The following COL4A2 variants were observed in gnomAD, a reference collection of about 807,000 sequenced individuals.
COL4A2 encodes the protein collagen alpha-2(IV) chain.
A neutral mutation model predicts 200.2 loss-of-function variants in COL4A2; 99 were observed. That is an observed-to-expected ratio of 0.49 (90% CI 0.42 to 0.58). The LOEUF (loss-of-function observed/expected upper bound fraction) is 0.58, where lower values mean the gene tolerates loss of function less well. Among genes scored for constraint, COL4A2 ranks in the 20% least tolerant of loss-of-function variants. The pLI is 0.00. For missense variants in COL4A2, 1,950 were observed against 2,314.1 expected, an observed-to-expected ratio of 0.84 and a Z score of 3.23; for synonymous variants, 897 against 900.6, an observed-to-expected ratio of 1.00 and a Z score of 0.07.
chr13:110,439,021 T>A (rs1881024221), intron 15 of COL4A2, among the ~76,000 whole-genome samples: 2 of 152,218 alleles, frequency 1.3e-5, no homozygotes, highest in African/African-American at 2.4e-5. Context: ...AAATGTAGAA[T>A]ATCTCAAACA....
At chr13:110,338,437 G>A (rs921797649) in intron 3 of COL4A2, among the ~76,000 whole-genome samples, 1 of 150,516 alleles carries the variant, frequency 6.6e-6, no homozygotes, top group Non-Finnish European at 1.5e-5. Context: ...TTGTGTGTGG[G>A]GGGGGGTGGG....
chr13:110,465,714 C>T (rs978226763), intron 25 of COL4A2, 108 bp downstream of exon 25: 1 of 1,077,326 alleles, frequency 9.3e-7, no homozygotes, highest in Non-Finnish European at 1.3e-6. Flanking sequence ...GCTGTTTTGC[C>T]TCATCTGTTC....
At chr13:110,493,352 GCCCTC>G in intron 39 of COL4A2, 70 bp downstream of exon 39, 1 of 1,518,870 alleles carries the variant, frequency 6.6e-7, no homozygotes, top group Non-Finnish European at 9.1e-7. Flanking sequence ...TGCTGAGTCT[GCCCTC>G]CAGACTTCAG....
In COL4A2 at chr13:110,503,882, G is replaced by A. The variant is rs1883743332; in HGVS notation, c.4174G>A (p.Gly1392Arg). 6.2e-7 allele frequency: 1 copy of A among 1,613,766 alleles called. No individual in the cohort carries two copies. The highest frequency in any genetic ancestry group is 1.1e-5 in the South Asian group (1 of 91,070). The part of the protein sequence containing the change: ...PGTVGAPGIA[G>R]IPQKIAVQPG... ...GACTGTGGGAGCCCCCGGGATTGCA[G>A]GAATCCCCCAGAAGATTGCCGTCCA... Residue 1392 changes from glycine (G) to arginine (R), a missense_variant, in exon 44 of 48, where the codon GGA becomes AGA. Gly to Arg is a moderately radical substitution (Grantham distance 125, BLOSUM62 -2). Coordinates refer to ENST00000360467, the MANE Select transcript of COL4A2 (RefSeq NM_001846.4).
At chr13:110,414,202 C>G (rs1490208754) in intron 4 of COL4A2, among the ~76,000 whole-genome samples, 1 of 152,232 alleles carries the variant, frequency 6.6e-6, no homozygotes, top group Non-Finnish European at 1.5e-5. Flanking sequence ...ATATAAATTC[C>G]CTGTCCTTTT....
chr13:110,443,128 G>C (rs1436414103), intron 16 of COL4A2, among the ~76,000 whole-genome samples: 1 of 152,204 alleles, frequency 6.6e-6, no homozygotes, highest in East Asian at 1.9e-4. Context: ...CTCAGATTGA[G>C]TTCTTTTATG....
rs187904842 is a variant in COL4A2, at chr13:110,506,449, G to A, written c.4437G>A (p.Pro1479=). ...GCCGTCCAGGGAGCCCGGGCCTGCC[G>A]GGTATGCCAGGCCGCAGCGTCAGCA... ...APGRPGSPGL[P]GMPGRSVSIG... is the part of the protein sequence containing the mutation. The change falls in exon 46 of 48, where the codon CCG becomes CCA. Residue 1479 remains proline, a synonymous_variant. Coordinates refer to ENST00000360467, the MANE Select transcript of COL4A2 (RefSeq NM_001846.4). 1.9e-4 allele frequency: 308 copies of A among 1,612,446 alleles called. No homozygotes were observed. The highest frequency in any genetic ancestry group is 2.9e-4 in the East Asian group (13 of 44,832).
rs1566504802 is a variant in COL4A2, at chr13:110,385,418, GACT to G, written c.180+27867_180+27869del. Among the ~76,000 whole-genome samples, 838 of 98,986 alleles carry G rather than the reference GACT, an allele frequency of 8.5e-3. 28 individuals are homozygous for G. Among genetic ancestry groups the G allele is most frequent in the African/African-American group, 0.027 (756 of 28,078 alleles). The allele number at this position is 98,986 out of a possible 152,430, so 64.9% of individuals were successfully genotyped here. On this transcript the variant is annotated intron_variant, in intron 4 of 47. Transcript: ENST00000360467. Reference sequence around the variant, plus strand: ...AGTTGGAGGTTACAGTGTGTGGATAGACTGTGGTTACAGTGCCTGGATAGACCG... The same window carrying G: ...AGTTGGAGGTTACAGTGTGTGGATAGGTGGTTACAGTGCCTGGATAGACCG...
chr13:110,473,935 G>C (rs772378726), intron 29 of COL4A2, among the ~76,000 whole-genome samples: 1 of 147,898 alleles, frequency 6.8e-6, no homozygotes, highest in East Asian at 2.0e-4. Context: ...AACCATCCTG[G>C]GCTACATAGG....
chr13:110,476,866 C>T (rs1444857686), intron 29 of COL4A2, among the ~76,000 whole-genome samples: 6 of 152,216 alleles, frequency 3.9e-5, no homozygotes, highest in African/African-American at 4.8e-5. Context: ...AGAAATCACA[C>T]ATGTGCACAC....
At chr13:110,440,004 G>A (rs1280646357) in intron 16 of COL4A2, among the ~76,000 whole-genome samples, 171 bp downstream of exon 16, 2 of 152,160 alleles carry the variant, frequency 1.3e-5, no homozygotes, top group South Asian at 2.1e-4. Flanking sequence ...TACTTGAACC[G>A]GGTCATTACC....
At position 110,484,282 on chromosome 13, in the gene COL4A2, G is replaced by A. The variant is rs180829849; in HGVS notation, c.2903-623G>A. ...CCTCTAGCCTAGTACTGAATACACA[G>A]TAAATGCTTAGAGACTGAAGCTCAA... On this transcript the variant is annotated intron_variant, in intron 32 of 47. Coordinates refer to ENST00000360467, the MANE Select transcript of COL4A2 (RefSeq NM_001846.4). Among the ~76,000 whole-genome samples the A allele has an allele frequency of 7.9e-5, 12 of 152,284 alleles. 1 individual carries two copies. In the East Asian group the frequency reaches 2.1e-3, roughly 27 times the overall value.
intron 28 of COL4A2, 135 bp from the exon 29 acceptor site, chr13:110,472,794 A>G: frequency 2.8e-6 from 2 of 714,894 alleles, no homozygotes; most frequent in Non-Finnish European, 4.8e-6. Flanking sequence ...CGACAGGGAC[A>G]AGGGCTCGAG....
At chr13:110,349,935 T>C (rs2139379900) in intron 3 of COL4A2, among the ~76,000 whole-genome samples, 1 of 152,176 alleles carries the variant, frequency 6.6e-6, no homozygotes, top group Non-Finnish European at 1.5e-5. Context: ...AGCTAATTTT[T>C]ACATTCTTAG....
rs978213897 is a variant in COL4A2 at position 110,388,246 on chromosome 13, C to T, written c.180+30694C>T. ...ACGGCGGCAAGCGAGCCCTCAAGCGCAGTCTGCATTTCCCCAGCCGCAGCC... is the reference window on the plus strand; with the variant it reads ...ACGGCGGCAAGCGAGCCCTCAAGCGTAGTCTGCATTTCCCCAGCCGCAGCC... On this transcript the variant is annotated intron_variant, in intron 4 of 47. Coordinates refer to ENST00000360467, the MANE Select transcript of COL4A2 (RefSeq NM_001846.4). Among the ~76,000 whole-genome samples the T allele has an allele frequency of 2.6e-5, 4 of 152,186 alleles. No individual in the cohort carries two copies. The South Asian group carries it at 6.2e-4, about 24-fold the overall frequency.
At position 110,317,128 on chromosome 13, in the gene COL4A2, T is replaced by G. The variant is rs1885154006; in HGVS notation, c.99+9005T>G. ...ACACACATGCACATATAGACACACT[T>G]GCACCCCACACACACATACAGACAC... On this transcript the variant is annotated intron_variant, in intron 3 of 47. Transcript: ENST00000360467. 2.0e-5 allele frequency among the ~76,000 whole-genome samples: 3 copies of G among 147,228 alleles called. 1 individual carries two copies. The South Asian group carries it at 6.6e-4, about 32-fold the overall frequency.
chr13:110,484,100 A>T (rs1455568586), intron 32 of COL4A2, among the ~76,000 whole-genome samples: 4 of 152,056 alleles, frequency 2.6e-5, no homozygotes, highest in African/African-American at 9.7e-5. Context: ...TCAGGCAAAA[A>T]AAAAAAATGA....
chr13:110,472,328 G>T (rs565092023), intron 28 of COL4A2, among the ~76,000 whole-genome samples: 1 of 151,952 alleles, frequency 6.6e-6, no homozygotes, highest in Non-Finnish European at 1.5e-5. Flanking sequence ...TGTTAGCCAG[G>T]ATGGTCTCGA....
intron 4 of COL4A2, among the ~76,000 whole-genome samples, chr13:110,379,155 A>G (rs1878360845): frequency 6.6e-6 from 1 of 152,192 alleles, no homozygotes; most frequent in Non-Finnish European, 1.5e-5. Context: ...ATCTGAAGGC[A>G]CTTTTGGTTG....
Sources: allele counts gnomAD v4.1 joint callset (sites outside exome capture counted in the v4.1 genomes callset), GRCh38; gene constraint gnomAD v4.1.1; transcripts MANE v1.5; gene names NCBI Gene and HGNC (gene_info 2026-07-23, HGNC 2026-07-21).